Variants in PROM1 observed in about 807,000 individuals in gnomAD.
The protein encoded by PROM1 is prominin-1.
A neutral mutation model predicts 116.9 loss-of-function variants in PROM1; 105 were observed. The ratio of observed to expected loss-of-function variants is 0.90; its 90% CI spans 0.77 to 1.06. The LOEUF is 1.06. PROM1 is among the 50% of genes least tolerant of loss of function. The pLI is 0.00. For missense variants in PROM1, 1,122 were observed against 1,045.2 expected (o/e 1.07, Z -1.01); for synonymous variants, 393 against 387.0 (o/e 1.02, Z -0.18).
At chr4:16,043,366 T>C (rs1286397516) in intron 2 of PROM1, among the ~76,000 whole-genome samples, 1 of 152,244 alleles carries the variant, frequency 6.6e-6, no homozygotes, top group Non-Finnish European at 1.5e-5. Flanking sequence ...TCACCCAGGC[T>C]GGAGTGCAGT....
chr4:16,066,937 G>A (rs1160600060), intron 2 of PROM1, among the ~76,000 whole-genome samples: 1 of 152,176 alleles, frequency 6.6e-6, no homozygotes, highest in Non-Finnish European at 1.5e-5. Context: ...GGCAAGATAG[G>A]ACCCTATTTC....
At chr4:16,073,214 G>A (rs559040398) in intron 2 of PROM1, among the ~76,000 whole-genome samples, 86 of 152,292 alleles carry the variant, frequency 5.6e-4, no homozygotes, top group Admixed American at 4.3e-3. Context: ...ATATCTATGG[G>A]AGAATAGCTT....
At chr4:16,017,462 G>C (rs1728676762) in intron 9 of PROM1, among the ~76,000 whole-genome samples, 3 of 152,202 alleles carry the variant, frequency 2.0e-5, no homozygotes, top group Non-Finnish European at 4.4e-5. Flanking sequence ...TGAAATGTCT[G>C]AAAAACAATG....
intron 2 of PROM1, among the ~76,000 whole-genome samples, chr4:16,052,277 C>T (rs1186477189): frequency 6.6e-6 from 1 of 152,174 alleles, no homozygotes; most frequent in Non-Finnish European, 1.5e-5. Flanking sequence ...TTACTCACTG[C>T]ACTCCCACAG....
intron 1 of PROM1, among the ~76,000 whole-genome samples, chr4:16,082,881 G>C (rs988251880): frequency 2.0e-5 from 3 of 152,072 alleles, no homozygotes; most frequent in Non-Finnish European, 4.4e-5. Context: ...GAAGCTCCTG[G>C]TCTGTCCACG....
intron 18 of PROM1, among the ~76,000 whole-genome samples, chr4:15,990,350 T>G (rs1289591529): frequency 6.6e-6 from 1 of 152,166 alleles, no homozygotes; most frequent in Non-Finnish European, 1.5e-5. Context: ...GTGCTGCTTC[T>G]TGGACGGGGC....
chr4:16,012,727 C>T (rs928792906), intron 11 of PROM1, among the ~76,000 whole-genome samples: 25 of 151,712 alleles, frequency 1.6e-4, no homozygotes, highest in African/African-American at 4.8e-4. Flanking sequence ...AAAAATTAGC[C>T]GGGTGTGGTG....
chr4:16,019,826 C>T (rs1232106301), intron 8 of PROM1, among the ~76,000 whole-genome samples: 1 of 151,768 alleles, frequency 6.6e-6, no homozygotes, highest in Non-Finnish European at 1.5e-5. Context: ...GCTTCCCCAC[C>T]CTTTCCTGGC....
chr4:16,055,262 T>C, intron 2 of PROM1: 1 of 374,168 alleles, frequency 2.7e-6, no homozygotes, highest in Non-Finnish European at 5.3e-6. Context: ...AGGCTGGTCA[T>C]GGTGGCTTAC....
At chr4:16,083,190 C>T (rs940052388) in intron 1 of PROM1, 1 of 152,424 alleles carries the variant, frequency 6.6e-6, no homozygotes, top group African/African-American at 2.4e-5. Context: ...CCTAGAGTTT[C>T]CTTTACCGCA....
intron 1 of PROM1, among the ~76,000 whole-genome samples, chr4:16,080,345 CCT>C (rs1744812220): frequency 6.6e-6 from 1 of 151,192 alleles, no homozygotes; most frequent in African/African-American, 2.4e-5. Context: ...ATGGTGAAAC[CCT>C]GTCTCTACTA....
chr4:16,008,646 G>C (rs534372394), intron 12 of PROM1, among the ~76,000 whole-genome samples: 3 of 152,132 alleles, frequency 2.0e-5, no homozygotes, highest in Non-Finnish European at 2.9e-5. Context: ...CAAGTATTTG[G>C]CTCACGAAGG....
rs756279080 is a variant in PROM1, at chr4:15,998,405, G to A, written c.1662C>T (p.Leu554=). ...GATACCTGTAAACTTGTTCAAAAGT[G>A]AGCTTCATTTTTGATTTATTAAATA... The part of the protein sequence containing the change: ...GKLFNKSKMK[L]TFEQVYSDCK... Residue 554 remains leucine (L), a synonymous_variant, in exon 15 of 28, where the codon CTC becomes CTT. Coordinates refer to ENST00000447510, the MANE Select transcript of PROM1 (RefSeq NM_006017.3). 1.4e-5 allele frequency: 22 copies of A among 1,603,200 alleles called. No individual in the cohort carries two copies. The highest frequency in any genetic ancestry group is 1.8e-5 in the Non-Finnish European group (21 of 1,176,818).
chr4:15,974,982 T>C (rs6833237), intron 26 of PROM1, among the ~76,000 whole-genome samples: 115,853 of 152,180 alleles, frequency 0.76, 44,792 homozygotes, highest in African/African-American at 0.91. Context: ...CAGAGCCCAG[T>C]TGGTGTCATC....
intron 2 of PROM1, among the ~76,000 whole-genome samples, chr4:16,040,742 C>T (rs557674139): frequency 9.2e-5 from 14 of 152,228 alleles, no homozygotes; most frequent in African/African-American, 2.9e-4. Context: ...AAAACAGCAC[C>T]GGGCCTGGCA....
intron 23 of PROM1, 69 bp from the exon 24 acceptor site, chr4:15,980,606 ATT>A (rs200645062): frequency 0.074 from 52,026 of 701,942 alleles, 1,074 homozygotes; most frequent in African/African-American, 0.18. Context: ...TGTTTGGGGG[ATT>A]TTTTTTTTTT....
chr4:16,048,124 T>G (rs1172284534), intron 2 of PROM1, among the ~76,000 whole-genome samples: 1 of 152,170 alleles, frequency 6.6e-6, no homozygotes, highest in African/African-American at 2.4e-5. Flanking sequence ...TTAAATGTGT[T>G]CATTATTTAT....
At chr4:15,984,215 C>G in intron 23 of PROM1, 48 bp downstream of exon 23, 1 of 1,416,296 alleles carries the variant, frequency 7.1e-7, no homozygotes, top group Non-Finnish European at 9.8e-7. Flanking sequence ...GAAAAACAAC[C>G]AAAGATGATG....
chr4:16,037,780 T>C (rs747989445), intron 3 of PROM1, among the ~76,000 whole-genome samples: 25 of 152,224 alleles, frequency 1.6e-4, no homozygotes, highest in Admixed American at 3.3e-4. Flanking sequence ...GTTTGCTTCA[T>C]GGGCAACCTA....
Sources: allele counts gnomAD v4.1 joint callset (sites outside exome capture counted in the v4.1 genomes callset), GRCh38; gene constraint gnomAD v4.1.1; transcripts MANE v1.5; gene names NCBI Gene and HGNC (gene_info 2026-07-23, HGNC 2026-07-21).